Variants in THEM4 observed in about 807,000 individuals in gnomAD.
THEM4 encodes the protein thioesterase superfamily member 4, also known as acyl-coenzyme A thioesterase THEM4.
In THEM4, 22 loss-of-function variants were observed where a neutral mutation model predicts 25.0. The observed-to-expected ratio is 0.88, with a 90% CI of 0.63 to 1.26. THEM4 has a LOEUF of 1.26. Among genes scored for constraint, THEM4 ranks in the 50% most tolerant of loss-of-function variants. THEM4 has a pLI of 0.00. For synonymous variants in THEM4, 113 were observed against 105.6 expected, an observed-to-expected ratio of 1.07 and a Z score of -0.43; for missense variants, 286 against 300.3, an observed-to-expected ratio of 0.95 and a Z score of 0.35.
chr1:151,883,805 T>C (rs1044729588), intron 4 of THEM4, among the ~76,000 whole-genome samples: 2 of 151,962 alleles, frequency 1.3e-5, no homozygotes, highest in Non-Finnish European at 2.9e-5. Context: ...CTGGGCACGA[T>C]GGCTCACACC....
At position 151,870,897 on chromosome 1, in the gene THEM4, T is replaced by C. The variant is rs1434100754; in HGVS notation, c.*3991A>G. On this transcript the variant is annotated 3_prime_UTR_variant, in exon 6 of 6. Coordinates refer to ENST00000368814, the MANE Select transcript of THEM4 (RefSeq NM_053055.5). ...TACATGACTCTCATTTTATTGTTTC[T>C]TAGACATTTAGAAACCTGGGAGTAA... 6.6e-6 allele frequency among the ~76,000 whole-genome samples: 1 copy of C among 152,246 alleles called. No homozygotes were observed. The highest frequency in any genetic ancestry group is 1.5e-5 in the Non-Finnish European group (1 of 68,032).
intron 3 of THEM4, 128 bp downstream of exon 3, chr1:151,889,086 T>G (rs541747860): frequency 2.5e-4 from 147 of 591,638 alleles, no homozygotes; most frequent in Middle Eastern, 1.5e-3. Context: ...ATAAACATCT[T>G]TCCATGTCAA....
intron 5 of THEM4, among the ~76,000 whole-genome samples, chr1:151,876,126 G>A (rs1190920836): frequency 1.3e-5 from 2 of 152,176 alleles, no homozygotes; most frequent in Non-Finnish European, 1.5e-5. Context: ...AACAGGTCAT[G>A]TGTGTGACTT....
At chr1:151,883,041 A>G (rs1420397899) in intron 4 of THEM4, among the ~76,000 whole-genome samples, 1 of 94,716 alleles carries the variant, frequency 1.1e-5, no homozygotes, top group Non-Finnish European at 2.2e-5. Flanking sequence ...CACGTCTTAC[A>G]TGGTGGCAGG....
intron 2 of THEM4, 61 bp from the exon 3 acceptor site, chr1:151,889,434 G>A (rs1654042332): frequency 6.5e-7 from 1 of 1,540,752 alleles, no homozygotes; most frequent in Non-Finnish European, 8.9e-7. Flanking sequence ...CCATGGCAGA[G>A]CCAAGCACCT....
chr1:151,886,425 C>T (rs1382277548), intron 4 of THEM4, among the ~76,000 whole-genome samples: 1 of 152,088 alleles, frequency 6.6e-6, no homozygotes, highest in African/African-American at 2.4e-5. Flanking sequence ...TAACCGTTTA[C>T]ATTTATTTTT....
intron 1 of THEM4, among the ~76,000 whole-genome samples, chr1:151,903,865 ATTTTAAC>A (rs2101731913): frequency 6.6e-6 from 1 of 152,344 alleles, no homozygotes; most frequent in East Asian, 1.9e-4. Flanking sequence ...GGTTCTCCTG[ATTTTAAC>A]TTTTAAAGTC....
chr1:151,878,368 T>A (rs1259793204), intron 4 of THEM4, among the ~76,000 whole-genome samples: 1 of 152,202 alleles, frequency 6.6e-6, no homozygotes, highest in Non-Finnish European at 1.5e-5. Flanking sequence ...GCTGTAGCCC[T>A]TGGGGCTGGG....
intron 4 of THEM4, among the ~76,000 whole-genome samples, chr1:151,882,980 G>A (rs1268820631): frequency 6.6e-6 from 1 of 151,988 alleles, no homozygotes; most frequent in Non-Finnish European, 1.5e-5. Context: ...GAGGCTTCAA[G>A]AGACTTACAA....
chr1:151,904,207 T>C (rs1426088265), intron 1 of THEM4, among the ~76,000 whole-genome samples: 10 of 152,048 alleles, frequency 6.6e-5, no homozygotes. Flanking sequence ...CCTTCATATA[T>C]GTAAGGTGGA....
intron 4 of THEM4, among the ~76,000 whole-genome samples, chr1:151,885,390 A>T (rs551124574): frequency 6.6e-6 from 1 of 152,332 alleles, no homozygotes; most frequent in African/African-American, 2.4e-5. Context: ...AAGTGCTGGG[A>T]TTACAGGCGT....
chr1:151,906,290 G>T (rs1654464338), intron 1 of THEM4, among the ~76,000 whole-genome samples: 1 of 152,360 alleles, frequency 6.6e-6, no homozygotes, highest in South Asian at 2.1e-4. Context: ...GCCAGTGGCT[G>T]CAGAGGGTGT....
intron 4 of THEM4, among the ~76,000 whole-genome samples, chr1:151,879,137 GA>G (rs1460465596): frequency 6.6e-6 from 1 of 151,948 alleles, no homozygotes; most frequent in Non-Finnish European, 1.5e-5. Flanking sequence ...AGATGAAATA[GA>G]AAAAAATTTC....
At chr1:151,875,894 C>T (rs1457235794) in intron 5 of THEM4, among the ~76,000 whole-genome samples, 1 of 152,224 alleles carries the variant, frequency 6.6e-6, no homozygotes, top group Admixed American at 6.5e-5. Flanking sequence ...TACTCTACCA[C>T]CCAGAAATTC....
chr1:151,907,147 G>T (rs1023084571), intron 1 of THEM4, among the ~76,000 whole-genome samples: 1 of 151,846 alleles, frequency 6.6e-6, no homozygotes, highest in South Asian at 2.1e-4. Context: ...CGGGAGGAAC[G>T]AACAACTCCA....
At chr1:151,892,970 A>C (rs1043900377) in intron 2 of THEM4, among the ~76,000 whole-genome samples, 1 of 152,198 alleles carries the variant, frequency 6.6e-6, no homozygotes, top group African/African-American at 2.4e-5. Flanking sequence ...CCTAGAAGTT[A>C]TGTTCAAACA....
chr1:151,874,541 AT>A lies in THEM4; in HGVS notation c.*346del. The A allele has an allele frequency of 8.2e-6, 2 of 243,240 alleles. No homozygotes were observed. Among genetic ancestry groups the A allele is most frequent in the Non-Finnish European group, 8.0e-6 (1 of 125,678 alleles). The allele number at this position is 243,240 out of a possible 1,614,324, so 15.1% of individuals were successfully genotyped here. ...AGGCGTACGCCACCATGCCTGGATA[AT>A]TTTTTGTATTTTAGTAGAGACGGAG... On this transcript the variant is annotated 3_prime_UTR_variant, in exon 6 of 6. Coordinates refer to ENST00000368814, the MANE Select transcript of THEM4 (RefSeq NM_053055.5).
Position 151,899,157 on chromosome 1 carries a change from A to G in THEM4, c.100-3963T>C, listed in dbSNP as rs552963741. 6.2e-4 allele frequency among the ~76,000 whole-genome samples: 95 copies of G among 152,330 alleles called. 1 individual carries two copies. The highest frequency in any genetic ancestry group is 1.1e-3 in the Admixed American group (17 of 15,298). Reference sequence around the variant, plus strand: ...AAGGCAATCAGGGAGATACCAGAGAAAGGCAAAGCCCAATGCAAGGAAATC... The same window carrying G: ...AAGGCAATCAGGGAGATACCAGAGAGAGGCAAAGCCCAATGCAAGGAAATC... On this transcript the variant is annotated intron_variant, in intron 1 of 5. Transcript: ENST00000368814.
intron 2 of THEM4, chr1:151,889,580 G>A (rs972634319): frequency 1.4e-5 from 7 of 502,514 alleles, no homozygotes; most frequent in African/African-American, 1.3e-4. Context: ...TCCAACTGGG[G>A]ACAGAGTAAA....
Sources: gnomAD v4.1 joint callset for allele counts (sites outside exome capture counted in the v4.1 genomes callset) on GRCh38, gnomAD v4.1.1 for gene constraint, MANE v1.5 for transcripts, NCBI Gene and HGNC (gene_info 2026-07-23, HGNC 2026-07-21) for gene names.